The following NRXN1 variants were observed in gnomAD, a reference collection of about 807,000 sequenced individuals.
NRXN1 encodes the protein neurexin 1, also known as neurexin-1.
NRXN1 carries 39 observed loss-of-function variants against 150.9 expected under a neutral mutation model. The observed-to-expected ratio is 0.26, with a 90% CI of 0.20 to 0.34. The LOEUF is 0.34. Among genes scored for constraint, NRXN1 ranks in the 10% least tolerant of loss-of-function variants. The pLI, the probability that NRXN1 is intolerant of heterozygous loss-of-function variation, is 1.00. For synonymous variants in NRXN1, 924 were observed against 757.0 expected, an observed-to-expected ratio of 1.22 and a Z score of -3.62; for missense variants, 1,815 against 1,949.9, an observed-to-expected ratio of 0.93 and a Z score of 1.30.
chr2:49,931,147 G>A (rs1315805274), intron 22 of NRXN1, among the ~76,000 whole-genome samples: 2 of 152,068 alleles, frequency 1.3e-5, no homozygotes, highest in Non-Finnish European at 2.9e-5. Context: ...TGATTTTAAA[G>A]TTTTGAGTAA....
At chr2:50,987,190 G>A (rs2104947012) in intron 2 of NRXN1, among the ~76,000 whole-genome samples, 1 of 151,828 alleles carries the variant, frequency 6.6e-6, no homozygotes, top group South Asian at 2.1e-4. Flanking sequence ...TTCTTCATAT[G>A]TTGACTACTT....
intron 5 of NRXN1, among the ~76,000 whole-genome samples, chr2:50,810,835 C>A (rs1266782989): frequency 6.6e-6 from 1 of 151,958 alleles, no homozygotes; most frequent in Non-Finnish European, 1.5e-5. Context: ...AAAAAATGAG[C>A]CAGATGTGGT....
intron 8 of NRXN1, among the ~76,000 whole-genome samples, chr2:50,596,319 C>A (rs1675190000): frequency 6.6e-6 from 1 of 151,976 alleles, no homozygotes; most frequent in African/African-American, 2.4e-5. Context: ...CAGATCTTCT[C>A]TTTTATAATA....
intron 2 of NRXN1, among the ~76,000 whole-genome samples, chr2:50,968,653 T>G (rs1241615634): frequency 1.3e-5 from 2 of 152,120 alleles, no homozygotes; most frequent in African/African-American, 2.4e-5. Context: ...CTGTATTATA[T>G]TTTCACATTT....
intron 5 of NRXN1, among the ~76,000 whole-genome samples, chr2:50,638,345 T>G (rs11678827): frequency 3.3e-5 from 5 of 152,174 alleles, no homozygotes; most frequent in Non-Finnish European, 5.9e-5. Context: ...TTGCTTTTAA[T>G]TTTTGTTAAA....
At chr2:50,975,881 A>G (rs1456063468) in intron 2 of NRXN1, among the ~76,000 whole-genome samples, 1 of 152,058 alleles carries the variant, frequency 6.6e-6, no homozygotes, top group African/African-American at 2.4e-5. Context: ...ATGTTAGGGG[A>G]AGAAGAAATT....
intron 21 of NRXN1, among the ~76,000 whole-genome samples, chr2:50,038,131 T>A (rs758052750): frequency 5.3e-5 from 8 of 152,166 alleles, no homozygotes; most frequent in African/African-American, 9.7e-5. Flanking sequence ...AATCTGTAGA[T>A]AGTCTGGAAG....
At chr2:50,840,105 C>A (rs1443695716) in intron 5 of NRXN1, among the ~76,000 whole-genome samples, 5 of 152,086 alleles carry the variant, frequency 3.3e-5, no homozygotes, top group Admixed American at 1.3e-4. Context: ...TCCTGTAATT[C>A]TTACTGGAAT....
In NRXN1 at chr2:50,106,083, G is replaced by A. The variant is rs144564390; in HGVS notation, c.3547-14589C>T. Among the ~76,000 whole-genome samples the A allele has an allele frequency of 9.9e-5, 15 of 151,764 alleles. 1 individual carries two copies. In the South Asian group the frequency reaches 1.3e-3, roughly 13 times the overall value. ...TTAACCCCTCTCTTAAAAACATAAT[G>A]ACCACTTCTTAGACCCTTTTCTACT... On this transcript the variant is annotated intron_variant, in intron 18 of 22. Coordinates refer to ENST00000401669, the MANE Select transcript of NRXN1 (RefSeq NM_001330078.2).
chr2:50,028,294 T>C (rs1472250770), intron 21 of NRXN1, among the ~76,000 whole-genome samples: 2 of 152,318 alleles, frequency 1.3e-5, no homozygotes, highest in East Asian at 1.9e-4. Flanking sequence ...ACATTTCTTC[T>C]TTAAAGACAG....
At chr2:50,314,643 C>A (rs2075445770) in intron 17 of NRXN1, among the ~76,000 whole-genome samples, 1 of 151,592 alleles carries the variant, frequency 6.6e-6, no homozygotes, top group Admixed American at 6.6e-5. Flanking sequence ...TGCCACTAAA[C>A]CACATTAAGA....
At chr2:50,817,401 G>C (rs1409903402) in intron 5 of NRXN1, among the ~76,000 whole-genome samples, 1 of 151,714 alleles carries the variant, frequency 6.6e-6, no homozygotes, top group African/African-American at 2.4e-5. Flanking sequence ...TGAGATGGTT[G>C]CACTGGAGAA....
rs763472357 is a variant in NRXN1, at chr2:50,346,733, T to C, written c.3365-109763A>G. On this transcript the variant is annotated intron_variant, in intron 17 of 22. Coordinates refer to ENST00000401669, the MANE Select transcript of NRXN1 (RefSeq NM_001330078.2). The surrounding 1 kb of genome is among the most constrained non-coding windows in gnomAD (Gnocchi z 5.0). Reference sequence around the variant, plus strand: ...GATGCCGGTGACCTGTAGATTGCAATAGGCACTGAATGATGCTTGCTGCTG... The same window carrying C: ...GATGCCGGTGACCTGTAGATTGCAACAGGCACTGAATGATGCTTGCTGCTG... The C allele has an allele frequency of 4.3e-6, 7 of 1,613,626 alleles. No individual in the cohort carries two copies. The highest frequency in any genetic ancestry group is 3.3e-5 in the Admixed American group (2 of 59,990).
chr2:49,923,493 A>C (rs1380646049), intron 22 of NRXN1, among the ~76,000 whole-genome samples: 1 of 152,190 alleles, frequency 6.6e-6, no homozygotes, highest in African/African-American at 2.4e-5. Flanking sequence ...ATATTAGATA[A>C]GAATGTGTGT....
intron 19 of NRXN1, among the ~76,000 whole-genome samples, chr2:50,060,954 G>A (rs1343646593): frequency 6.6e-6 from 1 of 152,098 alleles, no homozygotes; most frequent in African/African-American, 2.4e-5. Context: ...ATAAAGTACA[G>A]CGACAATGTC....
chr2:50,950,411 A>G (rs886175862), intron 2 of NRXN1, among the ~76,000 whole-genome samples: 6 of 152,226 alleles, frequency 3.9e-5, no homozygotes, highest in Admixed American at 1.3e-4. Flanking sequence ...GGAGAAGCAC[A>G]TTAACTCAGT....
intron 11 of NRXN1, chr2:50,528,956 C>T (rs1281966574): frequency 3.3e-6 from 1 of 303,976 alleles, no homozygotes; most frequent in Admixed American, 5.6e-5. Flanking sequence ...CAACTTTCTC[C>T]CCATCTGTGA....
At chr2:50,624,366 T>C (rs529537805) in intron 5 of NRXN1, among the ~76,000 whole-genome samples, 3 of 152,094 alleles carry the variant, frequency 2.0e-5, no homozygotes, top group African/African-American at 7.2e-5. Context: ...TCAGGTACCA[T>C]AAATGCATAT....
rs143514431 is a variant in NRXN1, at chr2:50,802,814, C to T, written c.832+119055G>A. On this transcript the variant is annotated intron_variant, in intron 5 of 22. Transcript: ENST00000401669. ...ACAGAGGGAGGAGGATGTGAAAATA[C>T]GCAGAGAAACCATGTGAAGACAGAG... 8.1e-3 allele frequency among the ~76,000 whole-genome samples: 1,230 copies of T among 152,084 alleles called. 5 individuals carry two copies. The highest frequency in any genetic ancestry group is 0.011 in the Admixed American group (162 of 15,274).
Sources: gnomAD v4.1 joint callset for allele counts (sites outside exome capture counted in the v4.1 genomes callset) on GRCh38, gnomAD v4.1.1 for gene constraint, Gnocchi (gnomAD v3.1) non-coding constraint, MANE v1.5 for transcripts, NCBI Gene and HGNC (gene_info 2026-07-23, HGNC 2026-07-21) for gene names.